Variants in SCD5 observed in about 807,000 individuals in gnomAD.
SCD5 encodes the protein stearoyl-CoA desaturase 5.
SCD5 carries 20 observed loss-of-function variants against 30.4 expected under a neutral mutation model. The ratio of observed to expected loss-of-function variants is 0.66; its 90% confidence interval spans 0.46 to 0.96. The LOEUF (loss-of-function observed/expected upper bound fraction) is 0.96. SCD5 is among the 40% of genes least tolerant of loss of function. The pLI is 0.00. For missense variants in SCD5, 381 were observed against 443.3 expected, an observed-to-expected ratio of 0.86 and a Z score of 1.26; for synonymous variants, 173 against 176.4, an observed-to-expected ratio of 0.98 and a Z score of 0.16.
intron 1 of SCD5, among the ~76,000 whole-genome samples, chr4:82,786,640 A>C (rs1721993622): frequency 6.6e-6 from 1 of 152,040 alleles, no homozygotes; most frequent in African/African-American, 2.4e-5. Flanking sequence ...AAAAATATAA[A>C]AATTAGCTCG....
rs1314710790 is a variant in SCD5, at chr4:82,641,634, G to C, written c.570-4811C>G. On this transcript the variant is annotated intron_variant, in intron 3 of 4. Transcript: ENST00000319540. ...TGCAGACTGGGGCTGCATGAGACTT[G>C]GGGCTGGAGCAGATGAACAAGAGGG... Among the ~76,000 whole-genome samples the C allele has an allele frequency of 2.6e-5, 4 of 152,264 alleles. No individual in the cohort carries two copies. In the East Asian group the frequency reaches 7.7e-4, roughly 29 times the overall value.
chr4:82,750,093 G>A (rs1721068974), intron 1 of SCD5, among the ~76,000 whole-genome samples: 1 of 152,138 alleles, frequency 6.6e-6, no homozygotes, highest in Non-Finnish European at 1.5e-5. Context: ...ATTGTAGTGG[G>A]GATTACACAA....
chr4:82,729,386 T>C (rs1223804465), intron 1 of SCD5, among the ~76,000 whole-genome samples: 1 of 152,146 alleles, frequency 6.6e-6, no homozygotes, highest in Non-Finnish European at 1.5e-5. Flanking sequence ...GTGAGGATTA[T>C]AGTCAGCGAT....
At chr4:82,684,928 C>T (rs866352832) in intron 2 of SCD5, among the ~76,000 whole-genome samples, 12 of 152,172 alleles carry the variant, frequency 7.9e-5, no homozygotes, top group African/African-American at 2.4e-4. Context: ...GTTCCATGTA[C>T]ATATTCTGGT....
intron 1 of SCD5, chr4:82,775,925 T>C (rs996914652): frequency 7.2e-5 from 11 of 152,330 alleles, no homozygotes; most frequent in African/African-American, 2.7e-4. Flanking sequence ...GAAGCAAGCA[T>C]CTTCGACGCC....
intron 3 of SCD5, among the ~76,000 whole-genome samples, chr4:82,640,252 C>T (rs1727514700): frequency 6.6e-6 from 1 of 152,212 alleles, no homozygotes; most frequent in Non-Finnish European, 1.5e-5. Context: ...GAAGCTCTAC[C>T]CTGCCAAGTG....
intron 3 of SCD5, among the ~76,000 whole-genome samples, chr4:82,669,742 G>A (rs931641064): frequency 6.6e-6 from 1 of 152,162 alleles, no homozygotes; most frequent in Non-Finnish European, 1.5e-5. Flanking sequence ...CAGGAGGAGG[G>A]GAAAAGAGCC....
chr4:82,635,342 G>A (rs1042160282), intron 4 of SCD5, among the ~76,000 whole-genome samples: 1 of 152,194 alleles, frequency 6.6e-6, no homozygotes, highest in Middle Eastern at 3.4e-3. Context: ...ATCACGGGCC[G>A]GGCACGGTGG....
In SCD5 at chr4:82,774,674, C is replaced by G. The variant is rs575585121; in HGVS notation, c.232+23632G>C. On this transcript the variant is annotated intron_variant, in intron 1 of 4. Transcript: ENST00000319540. ...AGAAAAGTGACCTTCCCTCTTCCCC[C>G]ACCCTTTGCTCCTCCCAGCATGTAA... Among the ~76,000 whole-genome samples, 277 of 152,282 alleles carry G rather than the reference C, an allele frequency of 1.8e-3. 1 individual carries two copies. Among genetic ancestry groups the G allele is most frequent in the African/African-American group, 6.0e-3 (251 of 41,562 alleles).
In SCD5 at chr4:82,636,745, C is replaced by T. The variant is rs1727440388; in HGVS notation, c.648G>A (p.Leu216=). 2 of 1,614,238 alleles carry T rather than the reference C, an allele frequency of 1.2e-6. No homozygotes were observed. The highest frequency in any genetic ancestry group is 1.7e-6 in the Non-Finnish European group (2 of 1,180,046). ...TAGAGGCCAAGAAGTAGGAATTCCA[C>T]AGACTCTCTCCCCAGATGTACCAGG... The part of the protein sequence containing the change: ...LVPWYIWGES[L]WNSYFLASIL... Residue 216 remains leucine, a synonymous_variant, in exon 4 of 5, where the codon CTG becomes CTA. Transcript: ENST00000319540.
chr4:82,712,297 T>TACACATATA (rs1560540874), intron 1 of SCD5, among the ~76,000 whole-genome samples: 2 of 33,762 alleles, frequency 5.9e-5, no homozygotes, highest in Non-Finnish European at 1.3e-4. Flanking sequence ...TATATATATA[T>TACACATATA]TTTATTTTTA....
chr4:82,739,250 A>G (rs1389280651), intron 1 of SCD5, among the ~76,000 whole-genome samples: 1 of 152,152 alleles, frequency 6.6e-6, no homozygotes, highest in Non-Finnish European at 1.5e-5. Flanking sequence ...AGGGGAAGGC[A>G]GTGGGGATGT....
In SCD5 at chr4:82,631,298, G is replaced by A. The variant is rs1255866155; in HGVS notation, c.*29C>T. 7 of 1,600,952 alleles carry A rather than the reference G, an allele frequency of 4.4e-6. No individual in the cohort carries two copies. The highest frequency in any genetic ancestry group is 4.0e-5 in the African/African-American group (3 of 74,618). ...CAAAGCCATGAACCGAGGTTGCAACGGCAGACATGTGGGATGGCTGTTCCA... is the reference window on the plus strand; with the variant it reads ...CAAAGCCATGAACCGAGGTTGCAACAGCAGACATGTGGGATGGCTGTTCCA... On this transcript the variant is annotated 3_prime_UTR_variant, in exon 5 of 5. Transcript: ENST00000319540.
chr4:82,707,323 C>T (rs1221928986), intron 1 of SCD5, among the ~76,000 whole-genome samples: 4 of 152,184 alleles, frequency 2.6e-5, no homozygotes, highest in South Asian at 2.1e-4. Context: ...AAACAAGAGT[C>T]ATTGATTCTG....
chr4:82,702,407 A>G (rs546246313), intron 2 of SCD5, among the ~76,000 whole-genome samples: 1 of 152,044 alleles, frequency 6.6e-6, no homozygotes, highest in Admixed American at 6.5e-5. Context: ...GGCCTCCCAA[A>G]GTGCTGGGAT....
At chr4:82,752,702 C>T (rs959365252) in intron 1 of SCD5, among the ~76,000 whole-genome samples, 3 of 152,140 alleles carry the variant, frequency 2.0e-5, no homozygotes, top group Non-Finnish European at 2.9e-5. Flanking sequence ...GGAATCCTCG[C>T]CCTGTGAGCA....
At chr4:82,672,838 TATA>T (rs1378563185) in intron 3 of SCD5, among the ~76,000 whole-genome samples, 1 of 152,088 alleles carries the variant, frequency 6.6e-6, no homozygotes, top group Non-Finnish European at 1.5e-5. Flanking sequence ...TAAAAAGAAT[TATA>T]TACTCCAACT....
chr4:82,696,653 T>C (rs184658658), intron 2 of SCD5, among the ~76,000 whole-genome samples: 38 of 152,296 alleles, frequency 2.5e-4, no homozygotes, highest in East Asian at 5.8e-4. Flanking sequence ...ACAATGAGAT[T>C]TGATTTCAGA....
At chr4:82,665,045 C>CACAT (rs3047047) in intron 3 of SCD5, among the ~76,000 whole-genome samples, 96,451 of 117,872 alleles carry the variant, frequency 0.82, 39,058 homozygotes, top group East Asian at 0.94. Context: ...CACACACACA[C>CACAT]ATATATACAC....
Sources: gnomAD v4.1 joint callset for allele counts (sites outside exome capture counted in the v4.1 genomes callset) on GRCh38, gnomAD v4.1.1 for gene constraint, MANE v1.5 for transcripts, NCBI Gene and HGNC (gene_info 2026-07-23, HGNC 2026-07-21) for gene names.